Variants in CATSPER3 observed in about 807,000 individuals in gnomAD.
CATSPER3 encodes the protein cation channel sperm associated 3.
Under a neutral mutation model 36.6 loss-of-function variants are expected in CATSPER3, and 23 were observed. The ratio of observed to expected loss-of-function variants is 0.63; its 90% confidence interval spans 0.45 to 0.89. CATSPER3 has a LOEUF of 0.89. CATSPER3 is among the 40% of genes least tolerant of loss of function. CATSPER3 has a pLI of 0.00. For missense variants in CATSPER3, 474 were observed against 503.9 expected (o/e 0.94, Z 0.57); for synonymous variants, 172 against 184.1 (o/e 0.93, Z 0.53).
At chr5:134,986,044 T>C (rs1430460270) in intron 2 of CATSPER3, among the ~76,000 whole-genome samples, 1 of 152,012 alleles carries the variant, frequency 6.6e-6, no homozygotes, top group South Asian at 2.1e-4. Context: ...CTTAAATATA[T>C]ATATACATAA....
chr5:134,990,871 A>G (rs553953093), intron 2 of CATSPER3, among the ~76,000 whole-genome samples: 1 of 152,236 alleles, frequency 6.6e-6, no homozygotes, highest in Non-Finnish European at 1.5e-5. Flanking sequence ...ATATACTCAC[A>G]TACACACAAG....
At chr5:134,971,064 C>T (rs1372970212) in intron 2 of CATSPER3, among the ~76,000 whole-genome samples, 1 of 152,186 alleles carries the variant, frequency 6.6e-6, no homozygotes, top group South Asian at 2.1e-4. Context: ...ATTCTCCTGC[C>T]TCAGCCTCCC....
intron 2 of CATSPER3, among the ~76,000 whole-genome samples, chr5:134,981,289 G>A (rs1239674744): frequency 2.0e-5 from 3 of 152,016 alleles, no homozygotes; most frequent in Non-Finnish European, 2.9e-5. Context: ...TCATGAGTTC[G>A]AGACCAGCCT....
At chr5:134,986,194 G>C (rs1274363404) in intron 2 of CATSPER3, among the ~76,000 whole-genome samples, 2 of 151,366 alleles carry the variant, frequency 1.3e-5, no homozygotes, top group Non-Finnish European at 2.9e-5. Flanking sequence ...GCCCAGGCTG[G>C]AGTGCAATGG....
At chr5:134,996,829 G>A (rs941542967) in intron 3 of CATSPER3, among the ~76,000 whole-genome samples, 3 of 152,212 alleles carry the variant, frequency 2.0e-5, no homozygotes, top group African/African-American at 4.8e-5. Context: ...GCTGCAAAGT[G>A]CCTGATTTTC....
intron 7 of CATSPER3, 136 bp from the exon 8 acceptor site, chr5:135,011,385 C>A: frequency 1.4e-6 from 1 of 717,346 alleles, no homozygotes; most frequent in South Asian, 1.5e-5. Context: ...TCCAACCCAG[C>A]CTCATCTGGC....
intron 2 of CATSPER3, among the ~76,000 whole-genome samples, chr5:134,979,454 G>A (rs983643338): frequency 6.6e-6 from 1 of 152,138 alleles, no homozygotes; most frequent in East Asian, 1.9e-4. Flanking sequence ...AATTGTATTG[G>A]TCCATTTTGA....
intron 3 of CATSPER3, among the ~76,000 whole-genome samples, chr5:134,997,747 T>A (rs1751968001): frequency 6.6e-6 from 1 of 152,166 alleles, no homozygotes; most frequent in South Asian, 2.1e-4. Flanking sequence ...TCTTTTCCAC[T>A]TTCCAGGACC....
intron 2 of CATSPER3, chr5:134,975,324 G>A (rs1751659482): frequency 6.6e-6 from 1 of 151,974 alleles, no homozygotes; most frequent in Admixed American, 6.6e-5. Flanking sequence ...GAGGCAGAGT[G>A]GTAAGTTGCT....
intron 2 of CATSPER3, among the ~76,000 whole-genome samples, chr5:134,974,071 AG>A (rs894434863): frequency 6.6e-6 from 1 of 152,202 alleles, no homozygotes; most frequent in African/African-American, 2.4e-5. Context: ...TTATTGATCT[AG>A]GCACTGAGCA....
At chr5:134,975,048 TACTA>T (rs1389729156) in intron 2 of CATSPER3, 2 of 152,094 alleles carry the variant, frequency 1.3e-5, no homozygotes, top group East Asian at 3.8e-4. Context: ...CCTACCTTAT[TACTA>T]ACTGAGAATT....
intron 3 of CATSPER3, among the ~76,000 whole-genome samples, chr5:134,999,107 G>T (rs1267995705): frequency 6.6e-6 from 1 of 152,064 alleles, no homozygotes; most frequent in Admixed American, 6.5e-5. Flanking sequence ...GTAAGGAAGG[G>T]ATCCAGTTTC....
At chr5:135,004,273 T>C (rs982068531) in intron 3 of CATSPER3, among the ~76,000 whole-genome samples, 17 of 152,222 alleles carry the variant, frequency 1.1e-4, no homozygotes, top group Non-Finnish European at 2.5e-4. Context: ...GATTCCTGCA[T>C]TGGCGTCCCA....
intron 2 of CATSPER3, 129 bp downstream of exon 2, chr5:134,970,221 TCTC>T: frequency 2.3e-6 from 2 of 877,772 alleles, no homozygotes; most frequent in South Asian, 2.9e-5. Flanking sequence ...AGTGGCGTGA[TCTC>T]AGCTCACTGC....
chr5:134,985,810 G>C (rs1751800864), intron 2 of CATSPER3, among the ~76,000 whole-genome samples: 1 of 151,400 alleles, frequency 6.6e-6, no homozygotes, highest in Non-Finnish European at 1.5e-5. Context: ...GATGTGGGAG[G>C]ATCACTTGAG....
intron 2 of CATSPER3, among the ~76,000 whole-genome samples, chr5:134,981,030 C>G (rs1445090930): frequency 6.6e-6 from 1 of 152,180 alleles, no homozygotes; most frequent in African/African-American, 2.4e-5. Context: ...TTCTCTCTCT[C>G]TCTTGCTCTC....
chr5:135,009,044 A>T, intron 5 of CATSPER3, 63 bp downstream of exon 5: 1 of 1,610,462 alleles, frequency 6.2e-7, no homozygotes, highest in South Asian at 1.1e-5. Flanking sequence ...CTGTAGGGCA[A>T]GTCTCCAGGG....
At chr5:135,006,807 C>T (rs536078640) in intron 3 of CATSPER3, among the ~76,000 whole-genome samples, 145 of 146,258 alleles carry the variant, frequency 9.9e-4, no homozygotes, top group African/African-American at 3.7e-3. Flanking sequence ...CACTGCACTC[C>T]AGCCTGGGTG....
chr5:134,985,460 A>G (rs1428749565), intron 2 of CATSPER3, among the ~76,000 whole-genome samples: 1 of 152,086 alleles, frequency 6.6e-6, no homozygotes, highest in Non-Finnish European at 1.5e-5. Flanking sequence ...GAGGAGGGTG[A>G]GGGACAAAAA....
Sources: gnomAD v4.1 joint callset for allele counts (sites outside exome capture counted in the v4.1 genomes callset) on GRCh38, gnomAD v4.1.1 for gene constraint, MANE v1.5 for transcripts, NCBI Gene and HGNC (gene_info 2026-07-23, HGNC 2026-07-21) for gene names.